TRAPPC9: variants seen among roughly 807,000 people sequenced by gnomAD.
TRAPPC9 encodes the protein IKK2 binding protein.
TRAPPC9 carries 83 observed loss-of-function variants against 124.0 expected under a neutral mutation model. The observed-to-expected ratio is 0.67, with a 90% CI of 0.56 to 0.80. TRAPPC9 has a LOEUF of 0.80. TRAPPC9 is among the 30% of genes least tolerant of loss of function. The probability of loss-of-function intolerance (pLI) is 0.00; values close to 1 mark genes in which losing one functional copy is unlikely to be tolerated. For missense variants in TRAPPC9, 1,302 were observed against 1,508.3 expected (o/e 0.86, Z 2.27); for synonymous variants, 638 against 617.5 (o/e 1.03, Z -0.49).
At chr8:140,286,021 G>A (rs1261771403) in intron 13 of TRAPPC9, among the ~76,000 whole-genome samples, 1 of 152,218 alleles carries the variant, frequency 6.6e-6, no homozygotes, top group East Asian at 1.9e-4. Flanking sequence ...CACGAGGCCA[G>A]CAAGGAATCT....
intron 6 of TRAPPC9, among the ~76,000 whole-genome samples, chr8:140,398,892 C>T (rs1168754912): frequency 6.6e-6 from 1 of 152,238 alleles, no homozygotes; most frequent in Non-Finnish European, 1.5e-5. Context: ...CCATCACAGG[C>T]CTGGAGGCCT....
intron 20 of TRAPPC9, among the ~76,000 whole-genome samples, chr8:139,900,522 A>T (rs144632795): frequency 2.2e-3 from 330 of 152,338 alleles, no homozygotes; most frequent in African/African-American, 7.6e-3. Context: ...ACTTATTATC[A>T]GTAGTCATTC....
intron 19 of TRAPPC9, among the ~76,000 whole-genome samples, chr8:139,972,564 A>G (rs1836172328): frequency 6.6e-6 from 1 of 152,128 alleles, no homozygotes; most frequent in South Asian, 2.1e-4. Context: ...TCAGAAGCTC[A>G]AGGTTCAGAC....
chr8:140,131,727 G>T (rs528697647), intron 17 of TRAPPC9, among the ~76,000 whole-genome samples: 1 of 152,198 alleles, frequency 6.6e-6, no homozygotes, highest in South Asian at 2.1e-4. Context: ...AGGGCGAGTC[G>T]CCTGGTGGTC....
intron 13 of TRAPPC9, among the ~76,000 whole-genome samples, chr8:140,287,284 G>A (rs896188515): frequency 4.6e-5 from 7 of 151,990 alleles, no homozygotes; most frequent in Non-Finnish European, 4.4e-5. Flanking sequence ...GAGATTCAGC[G>A]TGTGTAGACA....
intron 7 of TRAPPC9, among the ~76,000 whole-genome samples, chr8:140,377,177 T>C (rs1441779748): frequency 6.6e-6 from 1 of 152,236 alleles, no homozygotes; most frequent in Non-Finnish European, 1.5e-5. Context: ...ATACTGCCTA[T>C]TTTACCATCT....
chr8:140,435,324 T>C, intron 3 of TRAPPC9, 84 bp from the exon 4 acceptor site: 2 of 1,514,110 alleles, frequency 1.3e-6, no homozygotes, highest in Non-Finnish European at 1.8e-6. Flanking sequence ...GACCCTTCAT[T>C]AGCTCAAACT....
chr8:140,014,533 T>A (rs1333370286), intron 18 of TRAPPC9, among the ~76,000 whole-genome samples: 1 of 152,144 alleles, frequency 6.6e-6, no homozygotes, highest in Non-Finnish European at 1.5e-5. Flanking sequence ...GATTCTCTTA[T>A]CGCCCTGGTG....
chr8:140,422,491 C>T (rs989067819), intron 5 of TRAPPC9, among the ~76,000 whole-genome samples: 4 of 152,080 alleles, frequency 2.6e-5, no homozygotes, highest in Non-Finnish European at 4.4e-5. Flanking sequence ...CAGTGGCTCA[C>T]GCCTGTAATC....
intron 9 of TRAPPC9, among the ~76,000 whole-genome samples, chr8:140,359,814 G>A (rs958629182): frequency 1.4e-4 from 21 of 152,158 alleles, no homozygotes; most frequent in Admixed American, 7.2e-4. Flanking sequence ...GGAGTGTGGC[G>A]GCCGAGGAGC....
intron 19 of TRAPPC9, among the ~76,000 whole-genome samples, chr8:139,971,230 A>G (rs1836044971): frequency 6.6e-6 from 1 of 151,904 alleles, no homozygotes; most frequent in Non-Finnish European, 1.5e-5. Context: ...CTCACAAGAG[A>G]CCTGACTTCG....
intron 19 of TRAPPC9, among the ~76,000 whole-genome samples, chr8:139,928,369 G>A (rs1389284267): frequency 6.6e-6 from 1 of 152,158 alleles, no homozygotes; most frequent in Non-Finnish European, 1.5e-5. Context: ...GTGGGTGCCT[G>A]TAATCCCAGC....
rs1354137632 is a variant in TRAPPC9 at position 140,018,329 on chromosome 8, T to TTC, written c.2699+5607_2699+5608insGA. 1.3e-4 allele frequency among the ~76,000 whole-genome samples: 14 copies of TTC among 107,622 alleles called. 1 individual carries two copies. Among genetic ancestry groups the TTC allele is most frequent in the South Asian group, 3.2e-4 (1 of 3,146 alleles). 70.6% of individuals were successfully genotyped at this position (107,622 alleles called of 152,430 possible). ...GGTATATAGAAACGTAAGTGATTTT[T>TTC]TTTTTTTTTTTTGAGACGGAGTCTC... On this transcript the variant is annotated intron_variant, in intron 18 of 22. Coordinates refer to ENST00000438773, the MANE Select transcript of TRAPPC9 (RefSeq NM_001160372.4).
At chr8:140,192,156 A>T (rs1266037389) in intron 17 of TRAPPC9, among the ~76,000 whole-genome samples, 6 of 152,212 alleles carry the variant, frequency 3.9e-5, no homozygotes, top group Non-Finnish European at 2.9e-5. Flanking sequence ...AGGCTTCAAC[A>T]CAGGTTCCCT....
At chr8:139,841,125 T>C (rs1374984232) in intron 21 of TRAPPC9, among the ~76,000 whole-genome samples, 3 of 152,188 alleles carry the variant, frequency 2.0e-5, no homozygotes, top group Non-Finnish European at 1.5e-5. Flanking sequence ...CTCGCTTGCC[T>C]TTTCCTGCTG....
intron 21 of TRAPPC9, among the ~76,000 whole-genome samples, chr8:139,781,898 T>G (rs1196648688): frequency 6.6e-6 from 1 of 152,064 alleles, no homozygotes; most frequent in Non-Finnish European, 1.5e-5. Flanking sequence ...AAAGAACAGT[T>G]GGGGAAGGCA....
intron 19 of TRAPPC9, among the ~76,000 whole-genome samples, chr8:139,965,012 C>G (rs1835606548): frequency 6.6e-6 from 1 of 152,176 alleles, no homozygotes; most frequent in Non-Finnish European, 1.5e-5. Context: ...AGGTGCTGAA[C>G]TGTCCTCAGC....
chr8:140,397,421 C>G (rs2132384639), intron 7 of TRAPPC9, among the ~76,000 whole-genome samples, 199 bp downstream of exon 7: 1 of 152,304 alleles, frequency 6.6e-6, no homozygotes, highest in Middle Eastern at 3.4e-3. Context: ...ACAGCAAGTT[C>G]TGAATTTTGA....
At chr8:139,944,011 C>T (rs1834065683) in intron 19 of TRAPPC9, among the ~76,000 whole-genome samples, 1 of 152,164 alleles carries the variant, frequency 6.6e-6, no homozygotes, top group Non-Finnish European at 1.5e-5. Context: ...AAGTCATAAC[C>T]AGTATTTCCC....
Sources: allele counts gnomAD v4.1 joint callset (sites outside exome capture counted in the v4.1 genomes callset), GRCh38; gene constraint gnomAD v4.1.1; transcripts MANE v1.5; gene names NCBI Gene and HGNC (gene_info 2026-07-23, HGNC 2026-07-21).